ZHX3: variants seen among roughly 807,000 people sequenced by gnomAD.
The protein encoded by ZHX3 is zinc fingers and homeoboxes protein 3.
In ZHX3, 20 loss-of-function variants were observed where a neutral mutation model predicts 64.5. The observed-to-expected ratio is 0.31, with a 90% CI of 0.22 to 0.45. The LOEUF is 0.45. Ranked by LOEUF, ZHX3 falls within the 20% of genes least tolerant of loss-of-function variation. The pLI is 1.00. For synonymous variants in ZHX3, 423 were observed against 461.6 expected (o/e 0.92, Z 1.07); for missense variants, 1,041 against 1,195.8 (o/e 0.87, Z 1.91).
chr20:41,246,588 C>T (rs1205890477), intron 2 of ZHX3, among the ~76,000 whole-genome samples: 1 of 152,036 alleles, frequency 6.6e-6, no homozygotes, highest in African/African-American at 2.4e-5. Context: ...ATACTAATAC[C>T]TAGGCCAGGC....
At chr20:41,236,656 A>T (rs2041014531) in intron 2 of ZHX3, among the ~76,000 whole-genome samples, 2 of 152,226 alleles carry the variant, frequency 1.3e-5, no homozygotes, top group Admixed American at 1.3e-4. Context: ...TAGACGTAAA[A>T]CCATAAAAAC....
intron 2 of ZHX3, among the ~76,000 whole-genome samples, chr20:41,230,121 C>T (rs138624622): frequency 1.3e-5 from 2 of 152,112 alleles, no homozygotes; most frequent in African/African-American, 4.8e-5. Context: ...TATATGCCTT[C>T]ATTAACAATT....
chr20:41,238,518 T>A (rs2041162560), intron 2 of ZHX3, among the ~76,000 whole-genome samples: 1 of 152,168 alleles, frequency 6.6e-6, no homozygotes, highest in Non-Finnish European at 1.5e-5. Flanking sequence ...AAAAACAACA[T>A]CTTTTTGGAC....
intron 2 of ZHX3, among the ~76,000 whole-genome samples, chr20:41,218,163 G>C (rs2146316351): frequency 6.7e-6 from 1 of 150,156 alleles, no homozygotes. Flanking sequence ...TGAAAAAAGA[G>C]GCTGGACCAG....
At chr20:41,206,907 G>A (rs1039806623) in intron 2 of ZHX3, among the ~76,000 whole-genome samples, 11 of 152,146 alleles carry the variant, frequency 7.2e-5, no homozygotes, top group Non-Finnish European at 1.0e-4. Context: ...GAGAAAGGTC[G>A]GGTTACCCAC....
chr20:41,288,867 T>G (rs896747074), intron 1 of ZHX3, among the ~76,000 whole-genome samples: 1 of 152,362 alleles, frequency 6.6e-6, no homozygotes, highest in East Asian at 1.9e-4. Context: ...TATAATTTCA[T>G]TCATTTAATT....
intron 2 of ZHX3, among the ~76,000 whole-genome samples, chr20:41,209,234 G>C (rs2038967802): frequency 6.6e-6 from 1 of 152,116 alleles, no homozygotes; most frequent in Non-Finnish European, 1.5e-5. Flanking sequence ...TGGATAGGAA[G>C]AATCAATATT....
At chr20:41,243,910 G>A (rs74408116) in intron 2 of ZHX3, among the ~76,000 whole-genome samples, 21,043 of 152,056 alleles carry the variant, frequency 0.14, 1,677 homozygotes, top group Non-Finnish European at 0.17. Flanking sequence ...ATCCACTGGG[G>A]AGGAGATGCT....
At chr20:41,252,013 T>A (rs565778829) in intron 2 of ZHX3, among the ~76,000 whole-genome samples, 1 of 152,196 alleles carries the variant, frequency 6.6e-6, no homozygotes, top group African/African-American at 2.4e-5. Flanking sequence ...TAAAAAATGT[T>A]GTTTTTTCCA....
chr20:41,224,405 C>G lies in ZHX3; in HGVS notation c.-150-19339G>C, dbSNP rs909853869. Among the ~76,000 whole-genome samples the G allele has an allele frequency of 1.3e-5, 2 of 152,180 alleles. No homozygotes were observed. The highest frequency in any genetic ancestry group is 2.4e-5 in the African/African-American group (1 of 41,434). On this transcript the variant is annotated intron_variant, in intron 2 of 3. Transcript: ENST00000683867. The surrounding 1 kb of genome is among the most constrained non-coding windows in gnomAD (Gnocchi z 5.2). ...GTATTTACTTCTGCAGCTAAGTGTC[C>G]TGAATTCATTGCACATTCTCTCTAT...
Position 41,202,589 on chromosome 20 carries a change from C to A in ZHX3, c.2328G>T (p.Arg776=), listed in dbSNP as rs1168381772. Residue 776 remains arginine (R), a synonymous_variant, in exon 3 of 4, where the codon CGG becomes CGT. Coordinates refer to ENST00000683867, the MANE Select transcript of ZHX3 (RefSeq NM_001384317.1). The surrounding 1 kb of genome is among the most constrained non-coding windows in gnomAD (Gnocchi z 7.0). ...KVSCKKTAQQ[R]HLLRQLFVQT... is the part of the protein sequence containing the mutation. Reference sequence around the variant, plus strand: ...GGACAAAGAGCTGCCGCAGCAAGTGCCGCTGCTGGGCAGTCTTTTTGCAGC... The same window carrying A: ...GGACAAAGAGCTGCCGCAGCAAGTGACGCTGCTGGGCAGTCTTTTTGCAGC... 1 of 1,613,956 alleles carries A rather than the reference C, an allele frequency of 6.2e-7. No homozygotes were observed. The highest frequency in any genetic ancestry group is 8.5e-7 in the Non-Finnish European group (1 of 1,180,032).
At chr20:41,216,064 A>C (rs1372272670) in intron 2 of ZHX3, among the ~76,000 whole-genome samples, 1 of 152,218 alleles carries the variant, frequency 6.6e-6, no homozygotes. Context: ...AAAAAGATGT[A>C]AAGAATGTGA....
chr20:41,279,336 C>A (rs1396071446), intron 1 of ZHX3, among the ~76,000 whole-genome samples: 1 of 152,100 alleles, frequency 6.6e-6, no homozygotes, highest in Admixed American at 6.5e-5. Flanking sequence ...CCCACCACAA[C>A]CCCCGCTCCA....
chr20:41,196,435 T>TTATAA lies in ZHX3; in HGVS notation c.2860+5621_2860+5622insTTATA, dbSNP rs1385202296. On this transcript the variant is annotated intron_variant, in intron 3 of 3. Coordinates refer to ENST00000683867, the MANE Select transcript of ZHX3 (RefSeq NM_001384317.1). Reference sequence around the variant, plus strand: ...TATATATAATATATATTTATATAAATATATATATTATATATAATATATTTA... The same window carrying TTATAA: ...TATATATAATATATATTTATATAAATTATAAATATATATTATATATAATATATTTA... 6.1e-3 allele frequency among the ~76,000 whole-genome samples: 24 copies of TTATAA among 3,916 alleles called. 1 individual carries two copies. The highest frequency in any genetic ancestry group is 0.02 in the African/African-American group (23 of 1,156). The allele number at this position is 3,916 out of a possible 152,430, so 2.6% of individuals were successfully genotyped here.
intron 3 of ZHX3, among the ~76,000 whole-genome samples, chr20:41,194,090 T>G (rs2037283682): frequency 2.0e-5 from 3 of 152,226 alleles, no homozygotes; most frequent in African/African-American, 7.2e-5. Context: ...TTATTTTTTT[T>G]GCCTAACTGC....
chr20:41,269,582 C>T (rs1266291100), intron 1 of ZHX3: 2 of 151,486 alleles, frequency 1.3e-5, no homozygotes, highest in East Asian at 1.9e-4. Context: ...CATCATGGCA[C>T]TTTCGGTAAA....
rs2036480070 is a variant in ZHX3 at position 41,185,904 on chromosome 20, C to T, written c.2861-703G>A. ...TCCCACAAAGGACAGCAACATGTCA[C>T]TTTGTGTTGGATTTAGTAGCTGAGG... is the stretch of plus-strand genomic sequence containing the variant. On this transcript the variant is annotated intron_variant, in intron 3 of 3. Transcript: ENST00000683867. The surrounding 1 kb of genome is among the most constrained non-coding windows in gnomAD (Gnocchi z 5.0). 6.6e-6 allele frequency: 1 copy of T among 152,230 alleles called. No homozygotes were observed. Among genetic ancestry groups the T allele is most frequent in the Non-Finnish European group, 1.5e-5 (1 of 68,056 alleles). The allele number at this position is 152,230 out of a possible 1,614,324, so 9.4% of individuals were successfully genotyped here. A position where few individuals can be genotyped will look rare whatever the true frequency, so the allele number is the denominator to read the frequency against.
In ZHX3 at chr20:41,204,125, C is replaced by A; in HGVS notation, c.792G>T (p.Leu264Phe). The A allele has an allele frequency of 6.2e-7, 1 of 1,604,930 alleles. No homozygotes were observed. The highest frequency in any genetic ancestry group is 8.5e-7 in the Non-Finnish European group (1 of 1,175,298). Residue 264 changes from leucine to phenylalanine, a missense_variant, in exon 3 of 4, where the codon TTG becomes TTT. Physicochemically the swap from Leu to Phe is conservative, Grantham distance 22. Transcript: ENST00000683867. This position sits in a 1 kb window ranked among gnomAD's most constrained non-coding sequence, Gnocchi z 6.6. ...NGPLIGTVPVLPAGIAQFLSL... is the reference protein window; with the variant it reads ...NGPLIGTVPVFPAGIAQFLSL... ...AGAGGAACTGTGCTATGCCAGCTGG[C>A]AAAACTGGCACTGTTCCTATCAGGG...
At chr20:41,300,450 A>G (rs920402152) in intron 1 of ZHX3, among the ~76,000 whole-genome samples, 5 of 152,240 alleles carry the variant, frequency 3.3e-5, no homozygotes, top group Non-Finnish European at 7.3e-5. Flanking sequence ...CCTTCATTAT[A>G]AAGTGTGGCT....
Sources: allele counts gnomAD v4.1 joint callset (sites outside exome capture counted in the v4.1 genomes callset), GRCh38; gene constraint gnomAD v4.1.1; non-coding constraint Gnocchi (gnomAD v3.1); transcripts MANE v1.5; gene names NCBI Gene and HGNC (gene_info 2026-07-23, HGNC 2026-07-21).